The following ZNF365 variants were observed in gnomAD, a reference collection of about 807,000 sequenced individuals.
ZNF365 encodes the protein zinc finger protein 365, also known as protein ZNF365.
A neutral mutation model predicts 35.0 loss-of-function variants in ZNF365; 22 were observed. The observed-to-expected ratio is 0.63, with a 90% confidence interval of 0.45 to 0.90. The LOEUF (loss-of-function observed/expected upper bound fraction) is 0.90. Ranked by LOEUF, ZNF365 falls within the 40% of genes least tolerant of loss-of-function variation. The pLI is 0.00. For missense variants in ZNF365, 448 were observed against 500.3 expected (o/e 0.90, Z 1.00); for synonymous variants, 188 against 196.2 (o/e 0.96, Z 0.35).
At chr10:62,420,973 G>A in intron 3 of ZNF365, among the ~76,000 whole-genome samples, 1 of 140,344 alleles carries the variant, frequency 7.1e-6, no homozygotes, top group African/African-American at 2.6e-5. Flanking sequence ...TGTAGAGATG[G>A]TTTTTTTTTT....
intron 3 of ZNF365, among the ~76,000 whole-genome samples, chr10:62,430,465 G>A (rs997989835): frequency 1.3e-5 from 2 of 151,970 alleles, no homozygotes; most frequent in Non-Finnish European, 2.9e-5. Context: ...CAGGCGTGAT[G>A]GAAAAGGTTT....
intron 3 of ZNF365, among the ~76,000 whole-genome samples, chr10:62,434,531 A>T (rs969787349): frequency 6.6e-6 from 1 of 152,188 alleles, no homozygotes; most frequent in Non-Finnish European, 1.5e-5. Flanking sequence ...TCTCTCTGGC[A>T]TATTAATATA....
intron 3 of ZNF365, among the ~76,000 whole-genome samples, chr10:62,394,068 A>G (rs1426075843): frequency 6.6e-6 from 1 of 152,176 alleles, no homozygotes; most frequent in Non-Finnish European, 1.5e-5. Context: ...ATTGTCATAC[A>G]GGTTGAGTAT....
chr10:62,469,194 G>A (rs1342639766), intron 4 of ZNF365, among the ~76,000 whole-genome samples: 1 of 152,170 alleles, frequency 6.6e-6, no homozygotes, highest in African/African-American at 2.4e-5. Flanking sequence ...GAGCACTTTA[G>A]TCAAACAAGG....
intron 3 of ZNF365, among the ~76,000 whole-genome samples, chr10:62,411,613 C>T (rs187406088): frequency 6.6e-6 from 1 of 152,096 alleles, no homozygotes; most frequent in African/African-American, 2.4e-5. Context: ...TTTCTGAGTT[C>T]TCTATTCTGT....
intron 3 of ZNF365, among the ~76,000 whole-genome samples, chr10:62,425,372 G>C (rs1269593810): frequency 6.6e-6 from 1 of 152,040 alleles, no homozygotes; most frequent in Admixed American, 6.6e-5. Context: ...TAACACAATG[G>C]TAAGCTGAGG....
intron 3 of ZNF365, among the ~76,000 whole-genome samples, chr10:62,415,145 C>T (rs553877693): frequency 6.6e-6 from 1 of 152,026 alleles, no homozygotes; most frequent in Non-Finnish European, 1.5e-5. Context: ...CTAGGTTACC[C>T]GTGGCTCTAT....
At chr10:62,396,797 G>A (rs1229137266) in intron 3 of ZNF365, among the ~76,000 whole-genome samples, 1 of 152,040 alleles carries the variant, frequency 6.6e-6, no homozygotes, top group Non-Finnish European at 1.5e-5. Flanking sequence ...ATTCCAAAGA[G>A]CAGTATGTAT....
chr10:62,374,613 A>C (rs1245031626), intron 1 of ZNF365, among the ~76,000 whole-genome samples, 155 bp downstream of exon 1: 1 of 152,046 alleles, frequency 6.6e-6, no homozygotes, highest in African/African-American at 2.4e-5. Context: ...TCATGTGCAC[A>C]CGAATCCACT....
intron 2 of ZNF365, among the ~76,000 whole-genome samples, chr10:62,387,578 A>C (rs1244263588): frequency 2.6e-5 from 4 of 152,128 alleles, no homozygotes; most frequent in Non-Finnish European, 5.9e-5. Flanking sequence ...TAGATAAAGG[A>C]GTAGTTGAAG....
At chr10:62,376,011 G>A (rs1839318820) in intron 1 of ZNF365, among the ~76,000 whole-genome samples, 170 bp from the exon 2 acceptor site, 1 of 152,192 alleles carries the variant, frequency 6.6e-6, no homozygotes, top group Non-Finnish European at 1.5e-5. Context: ...TGCAGAAATT[G>A]ATGTGGATGG....
chr10:62,405,074 C>A (rs1405270855), downstream of ZNF365, among the ~76,000 whole-genome samples: 2 of 152,170 alleles, frequency 1.3e-5, no homozygotes, highest in Non-Finnish European at 2.9e-5. Context: ...GGAACGGAAG[C>A]ATCTCACCTC....
chr10:62,432,584 C>T (rs1470696546), intron 3 of ZNF365, among the ~76,000 whole-genome samples: 1 of 152,156 alleles, frequency 6.6e-6, no homozygotes, highest in Non-Finnish European at 1.5e-5. Context: ...AAGCCCCTTA[C>T]TTAAACAATT....
chr10:62,449,472 C>T (rs1234779182), intron 3 of ZNF365, among the ~76,000 whole-genome samples: 1 of 152,062 alleles, frequency 6.6e-6, no homozygotes, highest in African/African-American at 2.4e-5. Context: ...TTATATTTTA[C>T]AATACAAATC....
At chr10:62,395,361 T>C (rs1026512039) in intron 3 of ZNF365, among the ~76,000 whole-genome samples, 10 of 151,436 alleles carry the variant, frequency 6.6e-5, no homozygotes, top group Non-Finnish European at 5.9e-5. Context: ...TTTTTTTTTT[T>C]CGAGGCGCTC....
chr10:62,433,634 G>A (rs1203043025), intron 3 of ZNF365, among the ~76,000 whole-genome samples: 1 of 152,126 alleles, frequency 6.6e-6, no homozygotes, highest in Non-Finnish European at 1.5e-5. Context: ...AGAAGCAGAA[G>A]GTCAACTCCA....
At chr10:62,476,986 T>G (rs904202894) in intron 4 of ZNF365, among the ~76,000 whole-genome samples, 8 of 152,334 alleles carry the variant, frequency 5.3e-5, no homozygotes, top group African/African-American at 1.9e-4. Flanking sequence ...TTAATTACTT[T>G]TGTCACCAGG....
intron 2 of ZNF365, among the ~76,000 whole-genome samples, chr10:62,382,872 C>T (rs995498787): frequency 1.2e-4 from 18 of 152,220 alleles, no homozygotes; most frequent in African/African-American, 3.4e-4. Context: ...GTATTTTTAC[C>T]GTTTCATATT....
At chr10:62,406,495 C>T (rs1404389142), downstream of ZNF365, among the ~76,000 whole-genome samples, 2 of 152,094 alleles carry the variant, frequency 1.3e-5, no homozygotes. Context: ...CCTAGTATGT[C>T]CCCAGTGCCA....
Sources: allele counts gnomAD v4.1 joint callset (sites outside exome capture counted in the v4.1 genomes callset), GRCh38; gene constraint gnomAD v4.1.1; transcripts MANE v1.5; gene names NCBI Gene and HGNC (gene_info 2026-07-23, HGNC 2026-07-21).